PPP1R12A: variants seen among roughly 807,000 people sequenced by gnomAD.
PPP1R12A encodes myosin binding subunit.
A neutral mutation model predicts 139.6 loss-of-function variants in PPP1R12A; 19 were observed. That is an observed-to-expected ratio of 0.14 (90% CI 0.09 to 0.20). PPP1R12A has a LOEUF of 0.20. PPP1R12A is among the 10% of genes least tolerant of loss of function. PPP1R12A has a pLI of 1.00. For missense variants in PPP1R12A, 925 were observed against 1,211.5 expected, an observed-to-expected ratio of 0.76 and a Z score of 3.51; for synonymous variants, 427 against 420.6, an observed-to-expected ratio of 1.02 and a Z score of -0.19.
chr12:79,929,098 T>A (rs1238752579), intron 1 of PPP1R12A, among the ~76,000 whole-genome samples: 1 of 152,212 alleles, frequency 6.6e-6, no homozygotes, highest in Non-Finnish European at 1.5e-5. Flanking sequence ...GAAACTGTTC[T>A]ACCTCACATC....
At position 79,924,912 on chromosome 12, in the gene PPP1R12A, T is replaced by C. The variant is rs76332508; in HGVS notation, c.237+9783A>G. On this transcript the variant is annotated intron_variant, in intron 1 of 24. Coordinates refer to ENST00000450142, the MANE Select transcript of PPP1R12A (RefSeq NM_002480.3). ...TAACTTAAATCCAAGGTGACATTTA[T>C]GATCATATTCCAGTTAAGAATAAGC... 3.5e-3 allele frequency among the ~76,000 whole-genome samples: 528 copies of C among 152,368 alleles called. 2 individuals carry two copies. Among genetic ancestry groups the C allele is most frequent in the African/African-American group, 0.012 (509 of 41,578 alleles).
chr12:79,816,001 G>T (rs1217449541), intron 9 of PPP1R12A, among the ~76,000 whole-genome samples: 3 of 151,712 alleles, frequency 2.0e-5, no homozygotes, highest in African/African-American at 4.8e-5. Context: ...TTATTCTGCA[G>T]TTTATGATTT....
At chr12:79,896,832 T>A (rs1885176411) in intron 1 of PPP1R12A, among the ~76,000 whole-genome samples, 1 of 152,192 alleles carries the variant, frequency 6.6e-6, no homozygotes, top group African/African-American at 2.4e-5. Context: ...GCAACTGAAA[T>A]CAAGAAGGAG....
At chr12:79,903,534 C>A (rs536016405) in intron 1 of PPP1R12A, among the ~76,000 whole-genome samples, 1 of 151,926 alleles carries the variant, frequency 6.6e-6, no homozygotes, top group South Asian at 2.1e-4. Context: ...CTTATTTAGA[C>A]CTGGGACCCA....
intron 1 of PPP1R12A, among the ~76,000 whole-genome samples, chr12:79,931,073 C>A (rs2254870): frequency 0.97 from 147,461 of 152,300 alleles, 71,430 homozygotes; most frequent in African/African-American, 0.99. Flanking sequence ...ATTGTCTTAC[C>A]ACCAAATTAA....
At chr12:79,890,247 AC>A (rs1884466569) in intron 1 of PPP1R12A, among the ~76,000 whole-genome samples, 1 of 152,204 alleles carries the variant, frequency 6.6e-6, no homozygotes, top group South Asian at 2.1e-4. Context: ...AAAAACTCAT[AC>A]AAAGTAAATT....
rs751324505 is a variant in PPP1R12A at position 79,805,718 on chromosome 12, C to G, written c.1874G>C (p.Ser625Thr). The change falls in exon 14 of 25, where the codon AGT (serine) becomes ACT (threonine). Residue 625 changes from serine to threonine, a missense_variant. Ser to Thr is a moderately conservative substitution (Grantham distance 58, BLOSUM62 1). Coordinates refer to ENST00000450142, the MANE Select transcript of PPP1R12A (RefSeq NM_002480.3). The stretch of plus-strand genomic sequence containing the variant: ...AGGAATGGTCACTGCCGTAGGAACA[C>G]TGTCCTTTTCTTTCTCAGTACTATC... ...AEDSTEKEKDSVPTAVTIPVA... is the reference protein window; with the variant it reads ...AEDSTEKEKDTVPTAVTIPVA... 6.2e-7 allele frequency: 1 copy of G among 1,613,398 alleles called. No individual in the cohort carries two copies. The highest frequency in any genetic ancestry group is 8.5e-7 in the Non-Finnish European group (1 of 1,179,568).
intron 24 of PPP1R12A, 106 bp downstream of exon 24, chr12:79,778,444 G>T: frequency 2.7e-6 from 2 of 732,900 alleles, no homozygotes; most frequent in Non-Finnish European, 4.1e-6. Flanking sequence ...TTCACAAATT[G>T]GGTAATCAGC....
At chr12:79,800,070 A>G (rs749471096) in intron 14 of PPP1R12A, among the ~76,000 whole-genome samples, 1 of 152,170 alleles carries the variant, frequency 6.6e-6, no homozygotes, top group Non-Finnish European at 1.5e-5. Context: ...CACAACATAA[A>G]GACTTTCCTC....
intron 1 of PPP1R12A, among the ~76,000 whole-genome samples, chr12:79,901,104 A>G (rs1010750550): frequency 2.0e-5 from 3 of 152,206 alleles, no homozygotes; most frequent in African/African-American, 7.2e-5. Context: ...CAGAAATATG[A>G]AAGAATGTAA....
At chr12:79,813,303 T>C (rs914751456) in intron 9 of PPP1R12A, among the ~76,000 whole-genome samples, 4 of 152,192 alleles carry the variant, frequency 2.6e-5, no homozygotes, top group African/African-American at 9.7e-5. Context: ...TACAAGCCCT[T>C]CTTCTCTCAG....
intron 2 of PPP1R12A, among the ~76,000 whole-genome samples, chr12:79,853,956 A>C (rs562546370): frequency 2.6e-5 from 4 of 152,334 alleles, no homozygotes; most frequent in Admixed American, 1.3e-4. Flanking sequence ...TATCATCCAC[A>C]TGTGACACCA....
rs769361834 is a variant in PPP1R12A at position 79,788,656 on chromosome 12, A to C, written c.2794T>G (p.Phe932Val). 5.0e-6 allele frequency: 8 copies of C among 1,609,354 alleles called. No individual in the cohort carries two copies. Among genetic ancestry groups the C allele is most frequent in the East Asian group, 4.5e-5 (2 of 44,816 alleles). Residue 932 changes from phenylalanine to valine, a missense_variant, in exon 21 of 25, where the codon TTT becomes GTT. Physicochemically the swap from Phe to Val is conservative, Grantham distance 50. Transcript: ENST00000450142. ...CTAAATAACCCAAGTACCTTTTTAAAGTCAGTTGAGTCATCCTTTTCTAGC... is the reference window on the plus strand; with the variant it reads ...CTAAATAACCCAAGTACCTTTTTAACGTCAGTTGAGTCATCCTTTTCTAGC... ...SRLEKDDSTD[F>V]KKLYEQILAE...
chr12:79,831,690 A>G (rs1453308407), intron 4 of PPP1R12A, among the ~76,000 whole-genome samples: 2 of 152,214 alleles, frequency 1.3e-5, no homozygotes, highest in East Asian at 1.9e-4. Flanking sequence ...TATAAGAATA[A>G]TTTTATATAT....
At chr12:79,886,872 A>G (rs1236770225) in intron 1 of PPP1R12A, among the ~76,000 whole-genome samples, 2 of 152,146 alleles carry the variant, frequency 1.3e-5, no homozygotes, top group Non-Finnish European at 2.9e-5. Context: ...TAGCTCTGTT[A>G]TTTCCTTTAC....
intron 2 of PPP1R12A, among the ~76,000 whole-genome samples, chr12:79,867,020 A>G (rs1045086001): frequency 6.6e-6 from 1 of 152,188 alleles, no homozygotes; most frequent in Non-Finnish European, 1.5e-5. Context: ...ACAGGTACAC[A>G]TATGTTTATT....
intron 2 of PPP1R12A, among the ~76,000 whole-genome samples, chr12:79,857,512 G>GTA (rs1321659183): frequency 6.6e-6 from 1 of 151,856 alleles, no homozygotes; most frequent in Admixed American, 6.6e-5. Flanking sequence ...GTTAATGCAT[G>GTA]TATACATATG....
chr12:79,793,875 C>A lies in PPP1R12A; in HGVS notation c.2637G>T (p.Lys879Asn). 1 of 1,590,044 alleles carries A rather than the reference C, an allele frequency of 6.3e-7. No homozygotes were observed. Among genetic ancestry groups the A allele is most frequent in the Non-Finnish European group, 8.6e-7 (1 of 1,167,572 alleles). The change falls in exon 19 of 25, where the codon AAG becomes AAT. Residue 879 changes from lysine (K) to asparagine (N), a missense_variant. Physicochemically the swap from Lys to Asn is moderately conservative, Grantham distance 94 (BLOSUM62 0). Around this residue, in one of 4 missense-constraint regions of PPP1R12A, gnomAD observed 315 missense variants for 363.4 expected, o/e 0.87. Transcript: ENST00000450142. ...QQSDTEEGSN[K>N]KETQTDSISR... ...TAATGGTATTTACCTGAGTTTCTTT[C>A]TTATTGGATCCCTCTTCTGTGTCTG...
At chr12:79,871,735 C>G (rs1321088448) in intron 2 of PPP1R12A, among the ~76,000 whole-genome samples, 3 of 151,800 alleles carry the variant, frequency 2.0e-5, no homozygotes, top group African/African-American at 7.3e-5. Context: ...TTCTGTTGAG[C>G]AGGAAAAGTC....
Sources: gnomAD v4.1 joint callset for allele counts (sites outside exome capture counted in the v4.1 genomes callset) on GRCh38, gnomAD v4.1.1 for gene constraint, gnomAD v4.1.1 regional missense constraint, MANE v1.5 for transcripts, NCBI Gene and HGNC (gene_info 2026-07-23, HGNC 2026-07-21) for gene names.